MPDZ: variants seen among roughly 807,000 people sequenced by gnomAD.
MPDZ encodes the protein multiple PDZ domain crumbs cell polarity complex component.
Under a neutral mutation model 239.1 loss-of-function variants are expected in MPDZ, and 234 were observed. That is an observed-to-expected ratio of 0.98 (90% confidence interval 0.88 to 1.09). MPDZ has a LOEUF of 1.09. Among genes scored for constraint, MPDZ ranks in the 50% least tolerant of loss-of-function variants. The probability of loss-of-function intolerance (pLI) is 0.00; values close to 1 mark genes in which losing one functional copy is unlikely to be tolerated. For missense variants in MPDZ, 3,175 were observed against 2,510.0 expected (o/e 1.26, Z -5.66); for synonymous variants, 1,048 against 881.3 (o/e 1.19, Z -3.35).
Position 13,206,017 on chromosome 9 carries a change from G to C in MPDZ, c.1373C>G (p.Thr458Arg). ...LRHTGQTVLL[T>R]LMRRGMKQEA... ...CTGCTTCATTCCTCTCCTCATTAGT[G>C]TCAGGAGCACAGTTTGTCCTGTATG... The change falls in exon 11 of 47, where the codon ACA (threonine) becomes AGA (arginine). Residue 458 changes from threonine (T) to arginine (R), a missense_variant. Coordinates refer to ENST00000319217, the MANE Select transcript of MPDZ (RefSeq NM_001378778.1). 3.1e-6 allele frequency: 5 copies of C among 1,612,156 alleles called. No homozygotes were observed. The highest frequency in any genetic ancestry group is 4.2e-6 in the Non-Finnish European group (5 of 1,179,416).
chr9:13,221,302 CA>C (rs1274488046), intron 7 of MPDZ, 69 bp downstream of exon 7: 7 of 1,427,284 alleles, frequency 4.9e-6, no homozygotes, highest in East Asian at 2.5e-5. Context: ...TTCTTTCCAA[CA>C]AAAAAATGTA....
intron 2 of MPDZ, among the ~76,000 whole-genome samples, chr9:13,249,008 A>AAAAAAC (rs1279043046): frequency 7.2e-5 from 9 of 125,250 alleles, no homozygotes; most frequent in Non-Finnish European, 1.4e-4. Flanking sequence ...AAAAAAAAAA[A>AAAAAAC]ATTGGAATCA....
At chr9:13,180,065 G>T (rs1953076670) in intron 19 of MPDZ, among the ~76,000 whole-genome samples, 1 of 152,006 alleles carries the variant, frequency 6.6e-6, no homozygotes, top group Non-Finnish European at 1.5e-5. Context: ...ACCTTGGAGA[G>T]CCTGCAATTT....
chr9:13,156,845 T>A (rs1197765806), intron 24 of MPDZ, among the ~76,000 whole-genome samples: 1 of 152,134 alleles, frequency 6.6e-6, no homozygotes, highest in African/African-American at 2.4e-5. Flanking sequence ...CACAAATAAA[T>A]AAGACACTTA....
rs376183122 is a variant in MPDZ, at chr9:13,114,004, C to T, written c.5484G>A (p.Leu1828=). 6.3e-7 allele frequency: 1 copy of T among 1,595,092 alleles called. No individual in the cohort carries two copies. The highest frequency in any genetic ancestry group is 2.2e-5 in the East Asian group (1 of 44,464). ...CAGAGAGTGGAAAAGTGAAAGATGA[C>T]AGGCTGCCTTCACTCACCTACAAAT... ...SQSSQVSEGS[L]SSFTFPLSGS... The change falls in exon 41 of 47, where the codon CTG becomes CTA. Residue 1828 remains leucine (L), a synonymous_variant. Transcript: ENST00000319217.
At chr9:13,238,658 A>G (rs1010281447) in intron 3 of MPDZ, among the ~76,000 whole-genome samples, 1 of 152,182 alleles carries the variant, frequency 6.6e-6, no homozygotes, top group Non-Finnish European at 1.5e-5. Flanking sequence ...CTAAACTTTA[A>G]GAAAACTCCA....
At chr9:13,260,036 T>C (rs1489918739) in intron 1 of MPDZ, among the ~76,000 whole-genome samples, 1 of 151,756 alleles carries the variant, frequency 6.6e-6, no homozygotes, top group Non-Finnish European at 1.5e-5. Context: ...GAGACACAGT[T>C]TTGCCATGTT....
At chr9:13,277,123 T>G (rs1296002029) in intron 1 of MPDZ, among the ~76,000 whole-genome samples, 1 of 152,124 alleles carries the variant, frequency 6.6e-6, no homozygotes, top group Admixed American at 6.5e-5. Context: ...AAAGGAAAGA[T>G]GTCTTTAAGG....
intron 1 of MPDZ, among the ~76,000 whole-genome samples, chr9:13,271,620 A>G (rs1972978566): frequency 6.6e-6 from 1 of 152,206 alleles, no homozygotes; most frequent in Non-Finnish European, 1.5e-5. Flanking sequence ...AAAAACATCA[A>G]TTAAATGTTA....
chr9:13,228,551 G>A (rs1257744207), intron 3 of MPDZ, among the ~76,000 whole-genome samples: 1 of 152,040 alleles, frequency 6.6e-6, no homozygotes, highest in Non-Finnish European at 1.5e-5. Context: ...ATATTCATTT[G>A]TATATAGGAT....
chr9:13,121,814 T>C lies in MPDZ; in HGVS notation c.5156A>G (p.Glu1719Gly). The stretch of plus-strand genomic sequence containing the variant: ...CTCAATAGTGAGGGTGTCACACACT[T>C]CCTCCTCTTTGTATGGGGCCTCATC... ...YRDEAPYKEE[E>G]VCDTLTIELQ... The change falls in exon 38 of 47, where the codon GAA (glutamate) becomes GGA (glycine). Residue 1719 changes from glutamate to glycine, a missense_variant. By Grantham distance (98) the Glu-to-Gly change is moderately conservative. Coordinates refer to ENST00000319217, the MANE Select transcript of MPDZ (RefSeq NM_001378778.1). 6.2e-7 allele frequency: 1 copy of C among 1,613,944 alleles called. No homozygotes were observed. Among genetic ancestry groups the C allele is most frequent in the Non-Finnish European group, 8.5e-7 (1 of 1,179,876 alleles).
At chr9:13,252,568 C>CAAA (rs56937303) in intron 1 of MPDZ, among the ~76,000 whole-genome samples, 14 of 129,752 alleles carry the variant, frequency 1.1e-4, no homozygotes, top group East Asian at 4.5e-4. Context: ...CTGTCCCCCG[C>CAAA]AAAAAAAAAA....
At chr9:13,128,675 C>T (rs543960187) in intron 32 of MPDZ, among the ~76,000 whole-genome samples, 2 of 152,304 alleles carry the variant, frequency 1.3e-5, no homozygotes, top group East Asian at 3.9e-4. Flanking sequence ...TCTACAATTA[C>T]AGTCCCATGG....
At chr9:13,169,692 G>A (rs1951538072) in intron 21 of MPDZ, among the ~76,000 whole-genome samples, 1 of 152,046 alleles carries the variant, frequency 6.6e-6, no homozygotes, top group Non-Finnish European at 1.5e-5. Flanking sequence ...CAGTCCCTTG[G>A]CTGCAACTCT....
chr9:13,116,382 C>G (rs1013031646), intron 39 of MPDZ, among the ~76,000 whole-genome samples: 1 of 152,054 alleles, frequency 6.6e-6, no homozygotes, highest in African/African-American at 2.4e-5. Context: ...AAACCATGAA[C>G]AATGCTTATG....
At chr9:13,257,036 G>A (rs1376893525) in intron 1 of MPDZ, among the ~76,000 whole-genome samples, 1 of 152,160 alleles carries the variant, frequency 6.6e-6, no homozygotes, top group African/African-American at 2.4e-5. Context: ...CAAGGCGTGG[G>A]ACAACTGTAT....
chr9:13,217,254 A>G lies in MPDZ; in HGVS notation c.1127T>C (p.Phe376Ser), dbSNP rs2136141013. The change falls in exon 9 of 47, where the codon TTT (phenylalanine) becomes TCT (serine). Residue 376 changes from phenylalanine to serine, a missense_variant. Physicochemically the swap from Phe to Ser is radical, Grantham distance 155. Coordinates refer to ENST00000319217, the MANE Select transcript of MPDZ (RefSeq NM_001378778.1). Reference sequence around the variant, plus strand: ...GACATTTTTAGTGAGTTCTACATCAAATGTCTCACTTTCTTCACCTTTCTG... The same window carrying G: ...GACATTTTTAGTGAGTTCTACATCAGATGTCTCACTTTCTTCACCTTTCTG... ...STQKGEESETFDVELTKNVQG... is the reference protein window; with the variant it reads ...STQKGEESETSDVELTKNVQG... 1 of 1,603,664 alleles carries G rather than the reference A, an allele frequency of 6.2e-7. No homozygotes were observed. The highest frequency in any genetic ancestry group is 8.5e-7 in the Non-Finnish European group (1 of 1,174,462).
In MPDZ at chr9:13,123,265, G is replaced by A; in HGVS notation, c.4841C>T (p.Ala1614Val). 1 of 1,612,676 alleles carries A rather than the reference G, an allele frequency of 6.2e-7. No individual in the cohort carries two copies. Among genetic ancestry groups the A allele is most frequent in the South Asian group, 1.1e-5 (1 of 90,796 alleles). The change falls in exon 36 of 47, where the codon GCT becomes GTT. Residue 1614 changes from alanine to valine, a missense_variant. By Grantham distance (64) the Ala-to-Val change is moderately conservative. Coordinates refer to ENST00000319217, the MANE Select transcript of MPDZ (RefSeq NM_001378778.1). ...AATGGGGCAGGTTGCAGGATCAGAA[G>A]CAAAAATTGCTGGTGTTGATGATCT... ...TSRSSTPAIF[A>V]SDPATCPIIP... is the part of the protein sequence containing the mutation.
intron 3 of MPDZ, among the ~76,000 whole-genome samples, chr9:13,241,444 C>G (rs889101855): frequency 2.0e-5 from 3 of 152,124 alleles, no homozygotes; most frequent in Non-Finnish European, 2.9e-5. Context: ...TCCTCCTTCC[C>G]CTACCAACAC....
Sources: gnomAD v4.1 joint callset for allele counts (sites outside exome capture counted in the v4.1 genomes callset) on GRCh38, gnomAD v4.1.1 for gene constraint, MANE v1.5 for transcripts, NCBI Gene and HGNC (gene_info 2026-07-23, HGNC 2026-07-21) for gene names.